RANBP1: variants seen among roughly 807,000 people sequenced by gnomAD.
RANBP1 encodes ran-specific GTPase-activating protein.
RANBP1 carries 16 observed loss-of-function variants against 31.4 expected under a neutral mutation model. That is an observed-to-expected ratio of 0.51 (90% CI 0.34 to 0.77). RANBP1 has a LOEUF of 0.77. Ranked by LOEUF, RANBP1 falls within the 30% of genes least tolerant of loss-of-function variation. The pLI is 0.01. For synonymous variants in RANBP1, 129 were observed against 140.5 expected, an observed-to-expected ratio of 0.92 and a Z score of 0.58; for missense variants, 265 against 362.0, an observed-to-expected ratio of 0.73 and a Z score of 2.17.
At position 20,117,177 on chromosome 22, in the gene RANBP1, C is replaced by A. The variant is rs1329302168; in HGVS notation, c.246+747C>A. Reference sequence around the variant, plus strand: ...GGCCCGCGCCGGCCGCTCGCTTCGCCAGCCACTCTTAGTCCGCCAGCGCGT... The same window carrying A: ...GGCCCGCGCCGGCCGCTCGCTTCGCAAGCCACTCTTAGTCCGCCAGCGCGT... On this transcript the variant is annotated intron_variant, in intron 1 of 5. Transcript: ENST00000430524. 12 of 561,054 alleles carry A rather than the reference C, an allele frequency of 2.1e-5. No individual in the cohort carries two copies. In the South Asian group the frequency reaches 3.3e-4, roughly 15 times the overall value. 34.8% of individuals were successfully genotyped at this position (561,054 alleles called of 1,614,324 possible). A position where few individuals can be genotyped will look rare whatever the true frequency, so the allele number is the denominator to read the frequency against.
At chr22:20,124,951 G>A (rs1293872855) in intron 3 of RANBP1, 8 of 319,484 alleles carry the variant, frequency 2.5e-5, no homozygotes, top group Admixed American at 5.0e-5. Context: ...TACAGCTGGG[G>A]CCTGCTTTGC....
At position 20,127,191 on chromosome 22, in the gene RANBP1, GT is replaced by G; in HGVS notation, c.*141del. On this transcript the variant is annotated 3_prime_UTR_variant, in exon 6 of 6. Coordinates refer to ENST00000430524, the MANE Select transcript of RANBP1 (RefSeq NM_001278639.2). ...ATAAAGAACTGAACTCAACATTCAG[GT>G]TGTTTTTTTTTTTTGTTTCTAAGTT... The G allele has an allele frequency of 1.7e-6, 1 of 602,362 alleles. No individual in the cohort carries two copies. The highest frequency in any genetic ancestry group is 3.0e-5 in the South Asian group (1 of 33,102). The allele number at this position is 602,362 out of a possible 1,614,324, so 37.3% of individuals were successfully genotyped here. A position where few individuals can be genotyped will look rare whatever the true frequency, so the allele number is the denominator to read the frequency against.
At chr22:20,117,829 G>A in intron 1 of RANBP1, 2 of 1,020,970 alleles carry the variant, frequency 2.0e-6, no homozygotes, top group Non-Finnish European at 2.3e-6. Context: ...GGGTTTGGGG[G>A]CTCGAGGCCT....
At chr22:20,116,463 C>G (rs1334027700) in intron 1 of RANBP1, 33 bp downstream of exon 1, 6 of 1,612,908 alleles carry the variant, frequency 3.7e-6, no homozygotes, top group Non-Finnish European at 5.1e-6. Context: ...AGCTGTAGAG[C>G]CCGGGCTGAG....
chr22:20,126,738 T>G (rs1328616650), intron 5 of RANBP1: 2 of 1,438,746 alleles, frequency 1.4e-6, no homozygotes, highest in Non-Finnish European at 1.9e-6. Flanking sequence ...CTGACCATGG[T>G]CTAGGCAGTG....
intron 2 of RANBP1, 45 bp from the exon 3 acceptor site, chr22:20,122,219 G>A (rs752504865): frequency 4.4e-6 from 7 of 1,594,908 alleles, no homozygotes; most frequent in Non-Finnish European, 6.0e-6. Context: ...GGCCCTGCAT[G>A]TGGGCTGCAG....
intron 1 of RANBP1, chr22:20,116,855 C>T: frequency 6.3e-7 from 1 of 1,575,284 alleles, no homozygotes; most frequent in Non-Finnish European, 8.7e-7. Flanking sequence ...CCATCCCCGT[C>T]TCTACCCAGC....
In RANBP1 at chr22:20,127,065, T is replaced by C; in HGVS notation, c.*13T>C. On this transcript the variant is annotated 3_prime_UTR_variant, in exon 6 of 6. Coordinates refer to ENST00000430524, the MANE Select transcript of RANBP1 (RefSeq NM_001278639.2). Reference sequence around the variant, plus strand: ...GGAGAAGCAATAAATCGTCTTATTTTATTTTCTTTTCCTCTCTTTCCTTTC... The same window carrying C: ...GGAGAAGCAATAAATCGTCTTATTTCATTTTCTTTTCCTCTCTTTCCTTTC... The C allele has an allele frequency of 2.5e-6, 4 of 1,588,510 alleles. No homozygotes were observed. Among genetic ancestry groups the C allele is most frequent in the Non-Finnish European group, 2.6e-6 (3 of 1,168,636 alleles).
chr22:20,118,102 C>A (rs1348093530), intron 1 of RANBP1: 2 of 1,000,012 alleles, frequency 2.0e-6, no homozygotes, highest in Admixed American at 1.2e-4. Flanking sequence ...GCCTCTGTGG[C>A]AGAAGCTCGC....
intron 5 of RANBP1, 62 bp downstream of exon 5, chr22:20,126,430 T>C: frequency 6.2e-7 from 1 of 1,612,332 alleles, no homozygotes; most frequent in Non-Finnish European, 8.5e-7. Flanking sequence ...TGACTATACT[T>C]CCAGGCGGGT....
At chr22:20,116,981 A>G in intron 1 of RANBP1, 1 of 1,500,816 alleles carries the variant, frequency 6.7e-7, no homozygotes, top group Non-Finnish European at 9.0e-7. Flanking sequence ...GCCTGTCACA[A>G]GGGAAGTGGC....
At chr22:20,120,301 G>A (rs1226217650) in intron 2 of RANBP1, among the ~76,000 whole-genome samples, 1 of 152,234 alleles carries the variant, frequency 6.6e-6, no homozygotes, top group Non-Finnish European at 1.5e-5. Context: ...GGGTGGCCAT[G>A]GCTCCACTCT....
At chr22:20,116,652 C>A (rs773646807) in intron 1 of RANBP1, 25 of 1,514,006 alleles carry the variant, frequency 1.7e-5, no homozygotes, top group Non-Finnish European at 2.1e-5. Flanking sequence ...GAGGACTAGG[C>A]CCTGGGGGCC....
intron 2 of RANBP1, among the ~76,000 whole-genome samples, chr22:20,121,551 TTTTG>T (rs781776022): frequency 2.1e-5 from 3 of 142,162 alleles, no homozygotes; most frequent in Non-Finnish European, 4.6e-5. Context: ...CCCTGTTTTG[TTTTG>T]TTTTTTTTTA....
chr22:20,118,704 ACT>A (rs1366472197), intron 1 of RANBP1, among the ~76,000 whole-genome samples: 1 of 152,148 alleles, frequency 6.6e-6, no homozygotes, highest in Non-Finnish European at 1.5e-5. Context: ...CTGCCAGGCC[ACT>A]CTCTGCAAGT....
Position 20,119,062 on chromosome 22 carries a change from A to G in RANBP1, c.296A>G (p.Asn99Ser). 6.2e-7 allele frequency: 1 copy of G among 1,613,088 alleles called. No individual in the cohort carries two copies. The highest frequency in any genetic ancestry group is 8.5e-7 in the Non-Finnish European group (1 of 1,179,332). Residue 99 changes from asparagine (N) to serine (S), a missense_variant, in exon 2 of 6, where the codon AAC becomes AGC. Transcript: ENST00000430524. The stretch of plus-strand genomic sequence containing the variant: ...TCCACTGAGAATACAGACGAGTCCA[A>G]CCATGACCCTCAGTTTGAGCCAATA... ...DTSTENTDES[N>S]HDPQFEPIVS...
At chr22:20,122,490 G>A (rs2050193825) in intron 3 of RANBP1, 69 bp downstream of exon 3, 1 of 1,608,410 alleles carries the variant, frequency 6.2e-7, no homozygotes. Context: ...GAAGATTCAG[G>A]GCTGATTGGG....
In RANBP1 at chr22:20,119,084, A is replaced by G. The variant is rs779858789; in HGVS notation, c.318A>G (p.Pro106=). The G allele has an allele frequency of 7.4e-6, 12 of 1,612,570 alleles. No individual in the cohort carries two copies. The South Asian group carries it at 1.3e-4, about 18-fold the overall frequency. Residue 106 remains proline (P), a synonymous_variant, in exon 2 of 6, where the codon CCA becomes CCG. Coordinates refer to ENST00000430524, the MANE Select transcript of RANBP1 (RefSeq NM_001278639.2). ...CCAACCATGACCCTCAGTTTGAGCC[A>G]ATAGTTTCTCTTCCTGAGCAAGAAA... ...DESNHDPQFE[P]IVSLPEQEIK... is the part of the protein sequence containing the mutation.
Position 20,126,350 on chromosome 22 carries a change from G to C in RANBP1, c.718G>C (p.Glu240Gln). 6.2e-7 allele frequency: 1 copy of C among 1,613,990 alleles called. No individual in the cohort carries two copies. Among genetic ancestry groups the C allele is most frequent in the Non-Finnish European group, 8.5e-7 (1 of 1,180,012 alleles). Residue 240 changes from glutamate (E) to glutamine (Q), a missense_variant, in exon 5 of 6, where the codon GAA (glutamate) becomes CAA (glutamine). By Grantham distance (29) the Glu-to-Gln change is conservative. Transcript: ENST00000430524. The stretch of plus-strand genomic sequence containing the variant: ...GTTTGAAGAATGCAGGAAAGAGATC[G>C]AAGAGAGAGAAAAGAAAGGTGACGT... ...TKFEECRKEI[E>Q]EREKKAGSGK... is the part of the protein sequence containing the mutation.
Sources: allele counts gnomAD v4.1 joint callset (sites outside exome capture counted in the v4.1 genomes callset), GRCh38; gene constraint gnomAD v4.1.1; transcripts MANE v1.5; gene names NCBI Gene and HGNC (gene_info 2026-07-23, HGNC 2026-07-21).